GPR137C: variants seen among roughly 807,000 people sequenced by gnomAD.
GPR137C encodes G protein-coupled receptor 137C, also known as integral membrane protein GPR137C.
A neutral mutation model predicts 43.4 loss-of-function variants in GPR137C; 27 were observed. That is an observed-to-expected ratio of 0.62 (90% CI 0.46 to 0.86). The LOEUF (loss-of-function observed/expected upper bound fraction) is 0.86. Ranked by LOEUF, GPR137C falls within the 40% of genes least tolerant of loss-of-function variation. The pLI, the probability that GPR137C is intolerant of heterozygous loss-of-function variation, is 0.00. For missense variants in GPR137C, 522 were observed against 534.6 expected, an observed-to-expected ratio of 0.98 and a Z score of 0.23; for synonymous variants, 285 against 226.9, an observed-to-expected ratio of 1.26 and a Z score of -2.30.
At position 52,635,259 on chromosome 14, in the gene GPR137C, C is replaced by A; in HGVS notation, c.*144C>A. ...GTGTGGCTGTGTTTGGTAAATAACA[C>A]AGCTATTATTTTTGACCTCTTCATA... On this transcript the variant is annotated 3_prime_UTR_variant, in exon 7 of 7. Transcript: ENST00000321662. 1 of 605,262 alleles carries A rather than the reference C, an allele frequency of 1.7e-6. No homozygotes were observed. The highest frequency in any genetic ancestry group is 2.7e-6 in the Non-Finnish European group (1 of 377,316). The allele number at this position is 605,262 out of a possible 1,614,324, so 37.5% of individuals were successfully genotyped here. A position where few individuals can be genotyped will look rare whatever the true frequency, so the allele number is the denominator to read the frequency against.
intron 1 of GPR137C, among the ~76,000 whole-genome samples, chr14:52,577,516 G>A (rs80165227): frequency 0.13 from 18,482 of 145,058 alleles, 1,290 homozygotes; most frequent in Non-Finnish European, 0.15. Flanking sequence ...GCGCGCGCGC[G>A]CACACACACA....
At chr14:52,588,349 T>C (rs1296905268) in intron 1 of GPR137C, among the ~76,000 whole-genome samples, 2 of 152,246 alleles carry the variant, frequency 1.3e-5, no homozygotes, top group Non-Finnish European at 2.9e-5. Context: ...TTCACCATGT[T>C]GGCCAGGCTG....
intron 1 of GPR137C, among the ~76,000 whole-genome samples, chr14:52,556,342 C>G (rs993641236): frequency 1.3e-5 from 2 of 150,944 alleles, no homozygotes; most frequent in Non-Finnish European, 2.9e-5. Flanking sequence ...GGTGGATATT[C>G]TAAAACTCAT....
chr14:52,556,391 C>CT (rs76210630), intron 1 of GPR137C, among the ~76,000 whole-genome samples: 73,552 of 140,072 alleles, frequency 0.53, 19,821 homozygotes, highest in East Asian at 0.7. Flanking sequence ...CCCCTTTTTT[C>CT]TTTTTTTTTT....
intron 1 of GPR137C, among the ~76,000 whole-genome samples, chr14:52,565,774 CTTA>C (rs2038360366): frequency 6.6e-6 from 1 of 152,094 alleles, no homozygotes; most frequent in Admixed American, 6.5e-5. Flanking sequence ...TCCTTGTAAT[CTTA>C]TTATTTTAAC....
At chr14:52,563,542 G>A (rs1418082774) in intron 1 of GPR137C, among the ~76,000 whole-genome samples, 1 of 152,044 alleles carries the variant, frequency 6.6e-6, no homozygotes, top group African/African-American at 2.4e-5. Context: ...AACTTGGGAG[G>A]CTGAGGTGGC....
intron 1 of GPR137C, among the ~76,000 whole-genome samples, chr14:52,558,670 C>T (rs1278248304): frequency 1.3e-5 from 2 of 152,062 alleles, no homozygotes; most frequent in Non-Finnish European, 2.9e-5. Context: ...TTGCAGATGT[C>T]AGAATTATTA....
chr14:52,558,694 CAAT>C (rs2038232366), intron 1 of GPR137C, among the ~76,000 whole-genome samples: 3 of 151,924 alleles, frequency 2.0e-5, no homozygotes. Flanking sequence ...ACATAGTACA[CAAT>C]AATTAATCAT....
chr14:52,580,112 T>A (rs907864096), intron 1 of GPR137C, among the ~76,000 whole-genome samples: 1 of 152,204 alleles, frequency 6.6e-6, no homozygotes, highest in African/African-American at 2.4e-5. Flanking sequence ...ATCTGCTTTC[T>A]AGCTTCCAAC....
At chr14:52,631,960 A>C (rs1437047559) in intron 3 of GPR137C, among the ~76,000 whole-genome samples, 200 bp from the exon 4 acceptor site, 1 of 152,000 alleles carries the variant, frequency 6.6e-6, no homozygotes, top group South Asian at 2.1e-4. Context: ...TGGCAAAAAA[A>C]AAAAAAAAAC....
At chr14:52,592,093 A>G (rs2139509068) in intron 1 of GPR137C, among the ~76,000 whole-genome samples, 1 of 152,284 alleles carries the variant, frequency 6.6e-6, no homozygotes, top group African/African-American at 2.4e-5. Context: ...TCCTTTTCCC[A>G]TTGCTTGTTT....
intron 3 of GPR137C, among the ~76,000 whole-genome samples, chr14:52,606,357 A>G (rs1262738632): frequency 2.0e-5 from 3 of 151,814 alleles, no homozygotes; most frequent in Admixed American, 1.3e-4. Context: ...GATTTCTTGT[A>G]TTTCTGTGGT....
chr14:52,600,494 G>A (rs2038911465), intron 3 of GPR137C, among the ~76,000 whole-genome samples, 153 bp downstream of exon 3: 1 of 152,062 alleles, frequency 6.6e-6, no homozygotes, highest in South Asian at 2.1e-4. Flanking sequence ...AGGCTAGAGT[G>A]CAATGGCTAT....
Position 52,553,351 on chromosome 14 carries a change from G to C in GPR137C, c.204G>C (p.Leu68=). The change falls in exon 1 of 7, where the codon CTG becomes CTC. Residue 68 remains leucine, a synonymous_variant. Transcript: ENST00000321662. ...AALFAFAYLQ[L]WRLLLYRERR... ...TGTTCGCCTTTGCCTACCTGCAGCT[G>C]TGGCGGCTGCTCCTGTACCGCGAGC... The C allele has an allele frequency of 6.2e-7, 1 of 1,602,134 alleles. No individual in the cohort carries two copies.
At position 52,591,095 on chromosome 14, in the gene GPR137C, C is replaced by T. The variant is rs117982817; in HGVS notation, c.445-7177C>T. On this transcript the variant is annotated intron_variant, in intron 1 of 6. Transcript: ENST00000321662. ...GAACATGCGGTATTTGGTTTTCGGTCCTTGTGATAGTCTGCTGAGAATGAT... is the reference window on the plus strand; with the variant it reads ...GAACATGCGGTATTTGGTTTTCGGTTCTTGTGATAGTCTGCTGAGAATGAT... Among the ~76,000 whole-genome samples, 817 of 150,044 alleles carry T rather than the reference C, an allele frequency of 5.4e-3. 25 individuals are homozygous for T. In the East Asian group the frequency reaches 0.08, roughly 15 times the overall value.
chr14:52,601,214 C>T lies in GPR137C; in HGVS notation c.717+873C>T, dbSNP rs114384483. ...GGGTATGTACATAAATACATTTTTACAATCACTTCCACAGGAGAGCTTGTC... is the reference window on the plus strand; with the variant it reads ...GGGTATGTACATAAATACATTTTTATAATCACTTCCACAGGAGAGCTTGTC... On this transcript the variant is annotated intron_variant, in intron 3 of 6. Transcript: ENST00000321662. Among the ~76,000 whole-genome samples the T allele has an allele frequency of 2.7e-3, 411 of 152,248 alleles. 5 individuals carry two copies. Among genetic ancestry groups the T allele is most frequent in the African/African-American group, 9.0e-3 (375 of 41,564 alleles).
chr14:52,632,086 T>C (rs1258354356), intron 3 of GPR137C, 74 bp from the exon 4 acceptor site: 3 of 958,138 alleles, frequency 3.1e-6, no homozygotes, highest in African/African-American at 1.6e-5. Context: ...GAGGTGACCA[T>C]ATTGTATGTA....
At chr14:52,571,644 A>T (rs890041917) in intron 1 of GPR137C, among the ~76,000 whole-genome samples, 2 of 152,148 alleles carry the variant, frequency 1.3e-5, no homozygotes, top group Non-Finnish European at 2.9e-5. Flanking sequence ...ATTGCACTCC[A>T]GGGGGCCGTG....
chr14:52,617,680 A>T (rs1566623299), intron 3 of GPR137C, among the ~76,000 whole-genome samples: 2 of 151,644 alleles, frequency 1.3e-5, no homozygotes, highest in Non-Finnish European at 2.9e-5. Context: ...GTCCTTCTCA[A>T]ACAAACAAAC....
Sources: allele counts gnomAD v4.1 joint callset (sites outside exome capture counted in the v4.1 genomes callset), GRCh38; gene constraint gnomAD v4.1.1; transcripts MANE v1.5; gene names NCBI Gene and HGNC (gene_info 2026-07-23, HGNC 2026-07-21).